The following R3HDM2 variants were observed in gnomAD, a reference collection of about 807,000 sequenced individuals.
R3HDM2 encodes R3H domain-containing protein 2.
A neutral mutation model predicts 124.5 loss-of-function variants in R3HDM2; 38 were observed. That is an observed-to-expected ratio of 0.31 (90% CI 0.24 to 0.40). The LOEUF (loss-of-function observed/expected upper bound fraction) is 0.40. Ranked by LOEUF, R3HDM2 falls within the 10% of genes least tolerant of loss-of-function variation. The pLI is 1.00. For missense variants in R3HDM2, 869 were observed against 1,236.9 expected (o/e 0.70, Z 4.46); for synonymous variants, 391 against 448.0 (o/e 0.87, Z 1.61).
intron 2 of R3HDM2, among the ~76,000 whole-genome samples, chr12:57,322,264 G>T (rs2056579595): frequency 6.6e-6 from 1 of 152,106 alleles, no homozygotes; most frequent in Non-Finnish European, 1.5e-5. Context: ...TAAGATCTGT[G>T]CATTTTATTA....
At chr12:57,273,212 C>A (rs557117112) in intron 14 of R3HDM2, among the ~76,000 whole-genome samples, 53 of 152,228 alleles carry the variant, frequency 3.5e-4, no homozygotes, top group Middle Eastern at 3.4e-3. Flanking sequence ...TATGAAAAAT[C>A]CACCTCCACC....
chr12:57,372,176 C>T (rs529079410), intron 2 of R3HDM2, among the ~76,000 whole-genome samples: 96 of 152,162 alleles, frequency 6.3e-4, no homozygotes, highest in African/African-American at 2.3e-3. Flanking sequence ...CAACTGTGGC[C>T]TGTTCTTATA....
intron 2 of R3HDM2, among the ~76,000 whole-genome samples, chr12:57,379,226 T>C (rs1057291677): frequency 2.0e-5 from 3 of 152,210 alleles, no homozygotes; most frequent in African/African-American, 7.2e-5. Flanking sequence ...GTTAAAATGG[T>C]AAATTTTATG....
chr12:57,332,121 A>G (rs1593409573), intron 2 of R3HDM2, among the ~76,000 whole-genome samples: 2 of 151,742 alleles, frequency 1.3e-5, no homozygotes, highest in Admixed American at 1.3e-4. Flanking sequence ...AATAGAATGT[A>G]AACAGTGGCC....
chr12:57,272,559 G>A (rs578079404), intron 14 of R3HDM2: 8 of 1,464,618 alleles, frequency 5.5e-6, no homozygotes, highest in South Asian at 2.6e-5. Flanking sequence ...GACTGGCTGT[G>A]GGCCAGCAGA....
chr12:57,362,977 T>C (rs1208369121), intron 2 of R3HDM2, among the ~76,000 whole-genome samples: 1 of 152,110 alleles, frequency 6.6e-6, no homozygotes, highest in Non-Finnish European at 1.5e-5. Context: ...CATGCCACCA[T>C]GCCCAGCTAG....
At chr12:57,320,608 C>T (rs1177836618) in intron 2 of R3HDM2, among the ~76,000 whole-genome samples, 3 of 152,026 alleles carry the variant, frequency 2.0e-5, no homozygotes, top group Admixed American at 2.0e-4. Context: ...TGTGAGATGT[C>T]GGGGGAACAG....
intron 2 of R3HDM2, among the ~76,000 whole-genome samples, chr12:57,355,208 A>G (rs1017626850): frequency 3.3e-5 from 5 of 152,038 alleles, no homozygotes; most frequent in African/African-American, 9.6e-5. Context: ...CTGTAATCCC[A>G]GCACTTTGGG....
At position 57,254,732 on chromosome 12, in the gene R3HDM2, G is replaced by A; in HGVS notation, c.*41C>T. The A allele has an allele frequency of 6.9e-7, 1 of 1,447,490 alleles. No homozygotes were observed. Among genetic ancestry groups the A allele is most frequent in the Non-Finnish European group, 9.4e-7 (1 of 1,061,338 alleles). The allele number at this position is 1,447,490 out of a possible 1,614,324, so 89.7% of individuals were successfully genotyped here. ...AGGATCCTTCAACCCCCTCCACCCTGCCCTTGCTCCTTCTGTGACAGTCCC... is the reference window on the plus strand; with the variant it reads ...AGGATCCTTCAACCCCCTCCACCCTACCCTTGCTCCTTCTGTGACAGTCCC... On this transcript the variant is annotated 3_prime_UTR_variant, in exon 24 of 24. Coordinates refer to ENST00000402412, the MANE Select transcript of R3HDM2 (RefSeq NM_001394031.1).
chr12:57,349,119 G>C (rs1194988361), intron 2 of R3HDM2, among the ~76,000 whole-genome samples: 1 of 151,952 alleles, frequency 6.6e-6, no homozygotes, highest in Admixed American at 6.6e-5. Context: ...GGTGGCTCAC[G>C]CCTGTAGTCC....
Position 57,303,201 on chromosome 12 carries a change from T to C in R3HDM2, c.182A>G (p.His61Arg). 2 of 1,530,970 alleles carry C rather than the reference T, an allele frequency of 1.3e-6. No homozygotes were observed. Among genetic ancestry groups the C allele is most frequent in the South Asian group, 1.2e-5 (1 of 83,598 alleles). The allele number at this position is 1,530,970 out of a possible 1,614,324, so 94.8% of individuals were successfully genotyped here. ...CTTGGCTCTTTTCCTGGCATGACCA[T>C]GGTTAGATGTCCGCCTCTGTTAGAA... is the stretch of plus-strand genomic sequence containing the variant. ...RQETQRRTSN[H>R]GHARKRAKSN... Residue 61 changes from histidine (H) to arginine (R), a missense_variant, in exon 4 of 24, where the codon CAT (histidine) becomes CGT (arginine). This residue lies in a region of R3HDM2 where 267 missense variants were observed against 447.7 expected (regional missense o/e 0.60). Coordinates refer to ENST00000402412, the MANE Select transcript of R3HDM2 (RefSeq NM_001394031.1).
intron 2 of R3HDM2, among the ~76,000 whole-genome samples, chr12:57,349,111 T>G (rs1593699824): frequency 6.6e-6 from 1 of 152,202 alleles, no homozygotes; most frequent in African/African-American, 2.4e-5. Flanking sequence ...CCGGGCATGG[T>G]GGCTCACGCC....
intron 2 of R3HDM2, among the ~76,000 whole-genome samples, chr12:57,357,032 G>A (rs1478938518): frequency 3.3e-5 from 5 of 151,998 alleles, no homozygotes; most frequent in African/African-American, 1.2e-4. Context: ...GAACCCGGGA[G>A]GCGGAGCTTG....
intron 2 of R3HDM2, among the ~76,000 whole-genome samples, chr12:57,350,120 G>C (rs1314513649): frequency 6.6e-6 from 1 of 152,092 alleles, no homozygotes; most frequent in Non-Finnish European, 1.5e-5. Flanking sequence ...TGAGGCAGGA[G>C]AATCGCTTGA....
At chr12:57,277,985 G>A (rs2045240532) in intron 14 of R3HDM2, among the ~76,000 whole-genome samples, 1 of 152,136 alleles carries the variant, frequency 6.6e-6, no homozygotes, top group Non-Finnish European at 1.5e-5. Flanking sequence ...AAATAAAGAG[G>A]AAGGGTGAAA....
chr12:57,371,193 A>ATC (rs1198021212), intron 2 of R3HDM2, among the ~76,000 whole-genome samples: 1 of 141,190 alleles, frequency 7.1e-6, no homozygotes, highest in African/African-American at 2.6e-5. Flanking sequence ...TGCCTAAATG[A>ATC]TTAACAGCTA....
intron 7 of R3HDM2, chr12:57,297,672 C>T (rs1049817753): frequency 1.4e-5 from 5 of 360,744 alleles, no homozygotes; most frequent in African/African-American, 6.4e-5. Flanking sequence ...TATAAACACA[C>T]GTTATAAATC....
At chr12:57,361,524 A>G (rs185104487) in intron 2 of R3HDM2, among the ~76,000 whole-genome samples, 1 of 152,108 alleles carries the variant, frequency 6.6e-6, no homozygotes, top group Admixed American at 6.6e-5. Flanking sequence ...TGTCACTACA[A>G]AAATTAAAAA....
intron 2 of R3HDM2, among the ~76,000 whole-genome samples, chr12:57,334,421 A>G (rs1319342893): frequency 1.3e-5 from 2 of 152,140 alleles, no homozygotes; most frequent in African/African-American, 4.8e-5. Flanking sequence ...AATCTGATCC[A>G]AGACTCCATG....
Sources: allele counts gnomAD v4.1 joint callset (sites outside exome capture counted in the v4.1 genomes callset), GRCh38; gene constraint gnomAD v4.1.1; regional missense constraint gnomAD v4.1.1; transcripts MANE v1.5; gene names NCBI Gene and HGNC (gene_info 2026-07-23, HGNC 2026-07-21).